Variants in DHX57 observed in about 807,000 individuals in gnomAD.
DHX57 encodes the protein DExH-box helicase 57, also known as putative ATP-dependent RNA helicase DHX57.
A neutral mutation model predicts 156.2 loss-of-function variants in DHX57; 105 were observed. That is an observed-to-expected ratio of 0.67 (90% CI 0.57 to 0.79). The LOEUF (loss-of-function observed/expected upper bound fraction) is 0.79, where lower values mean the gene tolerates loss of function less well. Ranked by LOEUF, DHX57 falls within the 30% of genes least tolerant of loss-of-function variation. DHX57 has a pLI of 0.00. For synonymous variants in DHX57, 704 were observed against 595.6 expected (o/e 1.18, Z -2.65); for missense variants, 1,847 against 1,661.9 (o/e 1.11, Z -1.94).
At chr2:38,860,708 C>G (rs1673147967) in intron 5 of DHX57, among the ~76,000 whole-genome samples, 1 of 152,160 alleles carries the variant, frequency 6.6e-6, no homozygotes, top group South Asian at 2.1e-4. Context: ...AACAGATTTT[C>G]TGAGAACGTA....
In DHX57 at chr2:38,861,820, T is replaced by C. The variant is rs182236510; in HGVS notation, c.590A>G (p.Glu197Gly). Residue 197 changes from glutamate to glycine, a missense_variant, in exon 5 of 24, where the codon GAA becomes GGA. Physicochemically the swap from Glu to Gly is moderately conservative, Grantham distance 98. Coordinates refer to ENST00000457308, the MANE Select transcript of DHX57 (RefSeq NM_198963.3). ...QKLSRYGFNT[E>G]RCQAVLRMCD... Reference sequence around the variant, plus strand: ...CATCCTCAGGACCGCTTGACAGCGTTCAGTATTGAAACCATACCTGTCAAG... The same window carrying C: ...CATCCTCAGGACCGCTTGACAGCGTCCAGTATTGAAACCATACCTGTCAAG... 8 of 1,608,640 alleles carry C rather than the reference T, an allele frequency of 5.0e-6. No individual in the cohort carries two copies. The Admixed American group carries it at 1.3e-4, about 27-fold the overall frequency.
intron 1 of DHX57, among the ~76,000 whole-genome samples, chr2:38,872,580 C>G (rs575058017): frequency 6.6e-6 from 1 of 152,224 alleles, no homozygotes; most frequent in South Asian, 2.1e-4. Flanking sequence ...GGTGGAGTGG[C>G]TATGTTAATA....
chr2:38,856,670 T>A (rs3099998), intron 6 of DHX57: 1 of 437,884 alleles, frequency 2.3e-6, no homozygotes, highest in Non-Finnish European at 3.8e-6. Flanking sequence ...TACCCGGCTT[T>A]TTGTATTTTT....
At chr2:38,858,234 G>A (rs968563876) in intron 6 of DHX57, among the ~76,000 whole-genome samples, 14 of 152,038 alleles carry the variant, frequency 9.2e-5, no homozygotes, top group Admixed American at 9.2e-4. Context: ...GCTAATTTTT[G>A]TATTTTTAGT....
intron 22 of DHX57, among the ~76,000 whole-genome samples, chr2:38,803,710 A>T (rs1252080829): frequency 2.0e-5 from 3 of 151,508 alleles, no homozygotes; most frequent in African/African-American, 7.3e-5. Flanking sequence ...GCTGTTCTTG[A>T]ACTCCTGAAC....
intron 20 of DHX57, among the ~76,000 whole-genome samples, chr2:38,814,400 C>T (rs1327259663): frequency 5.9e-5 from 9 of 152,184 alleles, no homozygotes; most frequent in Non-Finnish European, 1.2e-4. Flanking sequence ...ATTGGACCCA[C>T]TCCAAGGAGC....
intron 21 of DHX57, among the ~76,000 whole-genome samples, chr2:38,809,732 G>C (rs1670145078): frequency 6.6e-6 from 1 of 151,930 alleles, no homozygotes; most frequent in Non-Finnish European, 1.5e-5. Flanking sequence ...CAAAGTGCTG[G>C]GATTGCAGGC....
chr2:38,809,054 C>A (rs1234026143), intron 21 of DHX57, among the ~76,000 whole-genome samples: 1 of 152,134 alleles, frequency 6.6e-6, no homozygotes, highest in African/African-American at 2.4e-5. Context: ...TCTTAGCCTC[C>A]CAAGTAACTG....
At chr2:38,827,489 A>AT (rs1671150777) in intron 14 of DHX57, among the ~76,000 whole-genome samples, 1 of 20,746 alleles carries the variant, frequency 4.8e-5, no homozygotes, top group Non-Finnish European at 1.4e-4. Flanking sequence ...CTGTCTCAAA[A>AT]AAAAAAAAAA....
intron 13 of DHX57, among the ~76,000 whole-genome samples, chr2:38,828,659 T>A (rs1572651236): frequency 6.6e-6 from 1 of 151,572 alleles, no homozygotes; most frequent in Non-Finnish European, 1.5e-5. Flanking sequence ...GGAGGCGGAG[T>A]TTGCGGTAAG....
At position 38,858,721 on chromosome 2, in the gene DHX57, C is replaced by T. The variant is rs1673030467; in HGVS notation, c.1527G>A (p.Trp509Ter). 1 of 1,613,882 alleles carries T rather than the reference C, an allele frequency of 6.2e-7. No homozygotes were observed. The highest frequency in any genetic ancestry group is 1.3e-5 in the African/African-American group (1 of 74,916). ...LKKKISKRYD[W>*]QAKSVHAENG... is the part of the protein sequence containing the mutation. ...TTTCAGCATGTACTGACTTTGCCTG[C>T]CAGTCATATCTTTTGGAAATCTTTT... is the stretch of plus-strand genomic sequence containing the variant. The change falls in exon 6 of 24, where the codon TGG becomes TGA. Residue 509 changes from tryptophan (W) to a stop codon, truncating the protein, a stop_gained. Coordinates refer to ENST00000457308, the MANE Select transcript of DHX57 (RefSeq NM_198963.3). LOFTEE classifies it high-confidence loss of function.
intron 13 of DHX57, among the ~76,000 whole-genome samples, chr2:38,834,113 T>C (rs1363471840): frequency 7.2e-5 from 11 of 152,056 alleles, no homozygotes; most frequent in Admixed American, 7.2e-4. Flanking sequence ...GTAGATCACC[T>C]GAGGTTGGGA....
At chr2:38,869,869 T>G (rs1278163854) in intron 1 of DHX57, among the ~76,000 whole-genome samples, 1 of 152,158 alleles carries the variant, frequency 6.6e-6, no homozygotes, top group Non-Finnish European at 1.5e-5. Context: ...AGAACAGATG[T>G]CAGATTTAAC....
At chr2:38,845,216 A>G (rs1672205741) in intron 11 of DHX57, among the ~76,000 whole-genome samples, 1 of 151,658 alleles carries the variant, frequency 6.6e-6, no homozygotes, top group South Asian at 2.1e-4. Flanking sequence ...AAAACAAACA[A>G]AAAAAAACCC....
intron 9 of DHX57, among the ~76,000 whole-genome samples, chr2:38,852,009 A>G (rs1318968709): frequency 6.6e-6 from 1 of 152,032 alleles, no homozygotes; most frequent in Admixed American, 6.6e-5. Flanking sequence ...TGTTTTCTGT[A>G]TAGTAATTTA....
At chr2:38,860,376 G>A (rs562822238) in intron 5 of DHX57, among the ~76,000 whole-genome samples, 1 of 152,296 alleles carries the variant, frequency 6.6e-6, no homozygotes, top group South Asian at 2.1e-4. Context: ...TTGAACCTGG[G>A]AGTCAGAGGT....
chr2:38,827,482 T>C (rs1671149448), intron 14 of DHX57, among the ~76,000 whole-genome samples: 2 of 4,032 alleles, frequency 5.0e-4, no homozygotes, highest in African/African-American at 3.2e-4. Flanking sequence ...CGAGACTCTG[T>C]CTCAAAAAAA....
intron 17 of DHX57, among the ~76,000 whole-genome samples, chr2:38,820,864 T>C (rs1437676658): frequency 6.6e-6 from 1 of 151,928 alleles, no homozygotes; most frequent in East Asian, 1.9e-4. Context: ...AAAAAGATTT[T>C]TTTTAATGAA....
intron 19 of DHX57, among the ~76,000 whole-genome samples, chr2:38,817,464 G>C (rs752887071): frequency 1.3e-4 from 19 of 151,956 alleles, no homozygotes; most frequent in Non-Finnish European, 1.6e-4. Flanking sequence ...ACAGGTATGA[G>C]CCACCATGCC....
Sources: gnomAD v4.1 joint callset for allele counts (sites outside exome capture counted in the v4.1 genomes callset) on GRCh38, gnomAD v4.1.1 for gene constraint, MANE v1.5 for transcripts, NCBI Gene and HGNC (gene_info 2026-07-23, HGNC 2026-07-21) for gene names.